Variants in MS4A15 observed in about 807,000 individuals in gnomAD.
The protein encoded by MS4A15 is membrane-spanning 4-domains subfamily A member 15.
Under a neutral mutation model 20.6 loss-of-function variants are expected in MS4A15, and 22 were observed. That is an observed-to-expected ratio of 1.07 (90% CI 0.76 to 1.52). The LOEUF is 1.52. Ranked by LOEUF, MS4A15 falls within the 40% of genes most tolerant of loss-of-function variation. The pLI, the probability that MS4A15 is intolerant of heterozygous loss-of-function variation, is 0.00. For synonymous variants in MS4A15, 129 were observed against 129.3 expected (o/e 1.00, Z 0.02); for missense variants, 312 against 323.0 (o/e 0.97, Z 0.26).
chr11:60,763,877 G>T lies in MS4A15; in HGVS notation c.144G>T (p.Gly48=). 1.2e-6 allele frequency: 2 copies of T among 1,612,992 alleles called. No individual in the cohort carries two copies. The highest frequency in any genetic ancestry group is 1.7e-6 in the Non-Finnish European group (2 of 1,179,888). The change falls in exon 2 of 7, where the codon GGG becomes GGT. Residue 48 remains glycine, a synonymous_variant. Transcript: ENST00000405633. ...GIMQFEEPPL[G]AQTPRATQPP... ...TGCAGTTTGAGGAGCCACCGCTGGGGGCACAGACACCAAGGGCCACACAGC... is the reference window on the plus strand; with the variant it reads ...TGCAGTTTGAGGAGCCACCGCTGGGTGCACAGACACCAAGGGCCACACAGC...
chr11:60,765,446 C>G (rs1475673798), intron 2 of MS4A15, among the ~76,000 whole-genome samples: 1 of 151,976 alleles, frequency 6.6e-6, no homozygotes, highest in East Asian at 1.9e-4. Context: ...GATGACAGCT[C>G]TTACTTATGA....
At chr11:60,758,718 C>T (rs898456168) in intron 1 of MS4A15, among the ~76,000 whole-genome samples, 1 of 152,214 alleles carries the variant, frequency 6.6e-6, no homozygotes, top group Admixed American at 6.5e-5. Context: ...TATCAGCTTT[C>T]ATTTACCAGC....
intron 1 of MS4A15, among the ~76,000 whole-genome samples, chr11:60,760,801 G>A (rs2134700539): frequency 6.6e-6 from 1 of 152,318 alleles, no homozygotes; most frequent in Non-Finnish European, 1.5e-5. Flanking sequence ...AACAGGACCT[G>A]TCATTGGAGA....
chr11:60,771,773 G>A (rs1176293839), intron 4 of MS4A15: 2 of 1,209,008 alleles, frequency 1.7e-6, no homozygotes, highest in Non-Finnish European at 2.1e-6. Context: ...GAGAAGGAAA[G>A]TGGAAAGAAA....
rs534372176 is a variant in MS4A15, at chr11:60,774,482, A to G, written c.612+532A>G. 3.9e-5 allele frequency among the ~76,000 whole-genome samples: 6 copies of G among 152,246 alleles called. No homozygotes were observed. The East Asian group carries it at 1.2e-3, about 29-fold the overall frequency. On this transcript the variant is annotated intron_variant, in intron 6 of 6. Transcript: ENST00000405633. ...AAGACAGGACTGCTCTCCCCGTGGC[A>G]CTGGGTGCACCAGCACCCACAGGGC...
chr11:60,774,049 C>A, intron 6 of MS4A15, 99 bp downstream of exon 6: 1 of 839,886 alleles, frequency 1.2e-6, no homozygotes, highest in East Asian at 2.5e-5. Flanking sequence ...AGACCCCTCC[C>A]TCTGCACTCT....
intron 1 of MS4A15, among the ~76,000 whole-genome samples, chr11:60,760,491 T>C (rs193095245): frequency 3.9e-5 from 6 of 152,338 alleles, no homozygotes; most frequent in Admixed American, 3.3e-4. Context: ...TGTGGACACT[T>C]ATATAGACCT....
chr11:60,774,905 G>A (rs577785095), intron 6 of MS4A15, among the ~76,000 whole-genome samples: 39 of 152,332 alleles, frequency 2.6e-4, no homozygotes, highest in Middle Eastern at 6.8e-3. Context: ...GTCCAGTGCC[G>A]GAAGGTGGAG....
At chr11:60,775,471 C>T in intron 6 of MS4A15, 134 bp from the exon 7 acceptor site, 1 of 690,834 alleles carries the variant, frequency 1.4e-6, no homozygotes, top group East Asian at 2.5e-5. Context: ...ACGGAGAGCC[C>T]TGAGCATGCG....
At position 60,763,937 on chromosome 11, in the gene MS4A15, A is replaced by T. The variant is rs752851805; in HGVS notation, c.204A>T (p.Thr68=). 1 of 1,612,870 alleles carries T rather than the reference A, an allele frequency of 6.2e-7. No individual in the cohort carries two copies. The highest frequency in any genetic ancestry group is 1.1e-5 in the South Asian group (1 of 91,030). The part of the protein sequence containing the change: ...PDLRPVETFL[T]GEPKVLGTVQ... ...TGCGGCCCGTGGAGACATTCCTGAC[A>T]GGAGAGCCCAAAGTTTTGGGGGTAA... The change falls in exon 2 of 7, where the codon ACA becomes ACT. Residue 68 remains threonine (T), a synonymous_variant. Transcript: ENST00000405633.
intron 3 of MS4A15, 24 bp downstream of exon 3, chr11:60,767,679 G>C: frequency 6.6e-7 from 1 of 1,525,486 alleles, no homozygotes; most frequent in Non-Finnish European, 8.8e-7. Context: ...CCATGGAGAG[G>C]GAGGGTAGGG....
chr11:60,766,601 C>T (rs1853890303), intron 2 of MS4A15, among the ~76,000 whole-genome samples: 1 of 152,192 alleles, frequency 6.6e-6, no homozygotes, highest in African/African-American at 2.4e-5. Flanking sequence ...CCATGCCATG[C>T]TGTGCCCTGT....
intron 1 of MS4A15, among the ~76,000 whole-genome samples, chr11:60,763,250 G>T (rs1853793302): frequency 6.6e-6 from 1 of 152,006 alleles, no homozygotes; most frequent in Non-Finnish European, 1.5e-5. Context: ...CATACCCAGG[G>T]GAATTATTGA....
chr11:60,765,157 T>C (rs1853853251), intron 2 of MS4A15, among the ~76,000 whole-genome samples: 1 of 152,110 alleles, frequency 6.6e-6, no homozygotes, highest in African/African-American at 2.4e-5. Context: ...TATTTGGGCA[T>C]AGTCTGATCA....
chr11:60,771,540 A>G, intron 4 of MS4A15, 193 bp downstream of exon 4: 3 of 1,532,830 alleles, frequency 2.0e-6, no homozygotes, highest in Non-Finnish European at 2.6e-6. Flanking sequence ...GAAGACAGGG[A>G]TACTCTTTCA....
intron 3 of MS4A15, 32 bp downstream of exon 3, chr11:60,767,687 G>A (rs1192629804): frequency 1.3e-6 from 2 of 1,514,708 alleles, no homozygotes; most frequent in Non-Finnish European, 1.8e-6. Flanking sequence ...AGGGAGGGTA[G>A]GGGGATGCTG....
chr11:60,773,300 C>T (rs1854088846), intron 4 of MS4A15, 92 bp from the exon 5 acceptor site: 8 of 1,004,296 alleles, frequency 8.0e-6, no homozygotes, highest in Non-Finnish European at 8.8e-6. Flanking sequence ...TGGGAGGCAG[C>T]GTGCTGGGGG....
chr11:60,759,053 T>C (rs1170951441), intron 1 of MS4A15, among the ~76,000 whole-genome samples: 1 of 152,260 alleles, frequency 6.6e-6, no homozygotes, highest in East Asian at 1.9e-4. Context: ...GCATTACTAA[T>C]GAACCCCTAC....
At chr11:60,771,551 A>G in intron 4 of MS4A15, 1 of 1,530,570 alleles carries the variant, frequency 6.5e-7, no homozygotes, top group Non-Finnish European at 8.7e-7. Context: ...TACTCTTTCA[A>G]TACACAAGCC....
Sources: gnomAD v4.1 joint callset for allele counts (sites outside exome capture counted in the v4.1 genomes callset) on GRCh38, gnomAD v4.1.1 for gene constraint, MANE v1.5 for transcripts, NCBI Gene and HGNC (gene_info 2026-07-23, HGNC 2026-07-21) for gene names.